Variants in OTUD4 observed in about 807,000 individuals in gnomAD.
The protein encoded by OTUD4 is OTU domain-containing protein 4.
OTUD4 carries 24 observed loss-of-function variants against 130.4 expected under a neutral mutation model. The ratio of observed to expected loss-of-function variants is 0.18; its 90% CI spans 0.13 to 0.26. The LOEUF (loss-of-function observed/expected upper bound fraction) is 0.26, where lower values mean the gene tolerates loss of function less well. OTUD4 is among the 10% of genes least tolerant of loss of function. The pLI, the probability that OTUD4 is intolerant of heterozygous loss-of-function variation, is 1.00. For synonymous variants in OTUD4, 420 were observed against 472.5 expected (o/e 0.89, Z 1.44); for missense variants, 1,031 against 1,329.4 (o/e 0.78, Z 3.49).
intron 17 of OTUD4, among the ~76,000 whole-genome samples, chr4:145,143,098 C>A (rs908411145): frequency 1.3e-5 from 2 of 152,018 alleles, no homozygotes; most frequent in South Asian, 4.1e-4. Flanking sequence ...ATAACGATAA[C>A]AAATATAAAT....
At chr4:145,159,132 G>GA in intron 7 of OTUD4, 1 of 1,039,942 alleles carries the variant, frequency 9.6e-7, no homozygotes, top group Non-Finnish European at 1.2e-6. Flanking sequence ...AACAATAAAA[G>GA]AAAGTGAAGG....
At chr4:145,151,621 C>T (rs1751073279) in intron 11 of OTUD4, among the ~76,000 whole-genome samples, 1 of 151,972 alleles carries the variant, frequency 6.6e-6, no homozygotes, top group South Asian at 2.1e-4. Flanking sequence ...GGTGACAGGG[C>T]AAGACTCCAT....
chr4:145,168,354 T>C (rs548440374), intron 3 of OTUD4, among the ~76,000 whole-genome samples: 11 of 143,794 alleles, frequency 7.6e-5, no homozygotes, highest in African/African-American at 2.8e-4. Flanking sequence ...CACTCCAGCC[T>C]GGGCAACAGA....
intron 5 of OTUD4, 59 bp from the exon 6 acceptor site, chr4:145,162,780 C>T: frequency 1.3e-6 from 1 of 784,412 alleles, no homozygotes; most frequent in South Asian, 1.7e-5. Flanking sequence ...ATTTACATAG[C>T]AATGTATGTC....
At chr4:145,169,071 T>C (rs1441917292) in intron 3 of OTUD4, among the ~76,000 whole-genome samples, 2 of 152,246 alleles carry the variant, frequency 1.3e-5, no homozygotes, top group Non-Finnish European at 2.9e-5. Flanking sequence ...ATTCCACTTA[T>C]ATGCATCTAG....
intron 15 of OTUD4, 107 bp from the exon 16 acceptor site, chr4:145,144,108 T>C (rs564851944): frequency 2.4e-5 from 26 of 1,096,482 alleles, no homozygotes; most frequent in Admixed American, 4.2e-5. Flanking sequence ...ATTTGAACCA[T>C]GTTTAGTCAG....
chr4:145,134,585 A>G lies in OTUD4; in HGVS notation c.*2845T>C, dbSNP rs147997992. 14 of 397,554 alleles carry G rather than the reference A, an allele frequency of 3.5e-5. No individual in the cohort carries two copies. The highest frequency in any genetic ancestry group is 5.3e-5 in the Non-Finnish European group (12 of 225,642). 24.6% of individuals were successfully genotyped at this position (397,554 alleles called of 1,614,324 possible). ...GAATACAGTCTGCATTAAATAAGAT[A>G]TATCAGCATTGTGGTCTGGGAAAAC... On this transcript the variant is annotated 3_prime_UTR_variant, in exon 21 of 21. Transcript: ENST00000447906.
At chr4:145,143,627 C>T (rs1750687709) in intron 16 of OTUD4, among the ~76,000 whole-genome samples, 182 bp from the exon 17 acceptor site, 1 of 152,146 alleles carries the variant, frequency 6.6e-6, no homozygotes, top group African/African-American at 2.4e-5. Context: ...ATCTTTATTA[C>T]ATCAAACTAC....
chr4:145,146,235 T>C (rs1378228725), intron 14 of OTUD4, 32 bp downstream of exon 14: 32 of 1,411,632 alleles, frequency 2.3e-5, no homozygotes, highest in Non-Finnish European at 3.0e-5. Flanking sequence ...AACTTCTGTA[T>C]AATGACTTTT....
chr4:145,165,141 C>A lies in OTUD4; in HGVS notation c.341+10G>T. The A allele has an allele frequency of 6.6e-7, 1 of 1,510,156 alleles. No individual in the cohort carries two copies. Among genetic ancestry groups the A allele is most frequent in the Non-Finnish European group, 9.1e-7 (1 of 1,097,882 alleles). 93.5% of individuals were successfully genotyped at this position (1,510,156 alleles called of 1,614,324 possible). ...TCATTTTCTTTTACTTATGTTATTA[C>A]AGTGTTTACCTGTACATAAGAGAAA... On this transcript the variant is annotated intron_variant, in intron 4 of 20. Coordinates refer to ENST00000447906, the MANE Select transcript of OTUD4 (RefSeq NM_001366057.1).
intron 13 of OTUD4, among the ~76,000 whole-genome samples, chr4:145,150,099 TATCAG>T (rs1347783350): frequency 2.6e-5 from 4 of 152,204 alleles, no homozygotes; most frequent in Admixed American, 6.5e-5. Flanking sequence ...AATCAAAACT[TATCAG>T]ATCAAAGTAA....
chr4:145,179,797 C>CAAAA lies in OTUD4; in HGVS notation c.159+17_159+18insTTTT. The CAAAA allele has an allele frequency of 6.7e-7, 1 of 1,496,714 alleles. No individual in the cohort carries two copies. The allele number at this position is 1,496,714 out of a possible 1,614,324, so 92.7% of individuals were successfully genotyped here. The stretch of plus-strand genomic sequence containing the variant: ...TCCCCGCCTCCCCTCGAAGCCCTCC[C>CAAAA]CGCCCCCCCGCAATTACCTGCTCCG... On this transcript the variant is annotated intron_variant, in intron 1 of 20. Coordinates refer to ENST00000447906, the MANE Select transcript of OTUD4 (RefSeq NM_001366057.1).
At chr4:145,175,711 A>G (rs1752386834) in intron 1 of OTUD4, among the ~76,000 whole-genome samples, 1 of 149,596 alleles carries the variant, frequency 6.7e-6, no homozygotes, top group African/African-American at 2.5e-5. Flanking sequence ...CGCTTGGCTA[A>G]TTTTTGTATT....
At chr4:145,141,267 C>T (rs1750549976) in intron 19 of OTUD4, 112 bp downstream of exon 19, 6 of 735,902 alleles carry the variant, frequency 8.2e-6, no homozygotes, top group Non-Finnish European at 1.2e-5. Flanking sequence ...TCCTTCCCAT[C>T]CTTGAGCTTA....
chr4:145,180,082 T>A lies in OTUD4; in HGVS notation c.-109A>T. 2.2e-6 allele frequency: 2 copies of A among 910,404 alleles called. No individual in the cohort carries two copies. Among genetic ancestry groups the A allele is most frequent in the Non-Finnish European group, 2.7e-6 (2 of 730,940 alleles). 56.4% of individuals were successfully genotyped at this position (910,404 alleles called of 1,614,324 possible). A position where few individuals can be genotyped will look rare whatever the true frequency, so the allele number is the denominator to read the frequency against. ...GGCAGGCGGCGGCTCGGGCTGGGGC[T>A]CGGGCTCCGCGAGCGGCGGCAGGCG... On this transcript the variant is annotated 5_prime_UTR_variant, in exon 1 of 21. Transcript: ENST00000447906.
chr4:145,159,652 A>ACAGAT lies in OTUD4; in HGVS notation c.497-22_497-18dup, dbSNP rs779045155. 18 of 1,610,236 alleles carry ACAGAT rather than the reference A, an allele frequency of 1.1e-5. No individual in the cohort carries two copies. The African/African-American group carries it at 2.1e-4, about 19-fold the overall frequency. ...AAAGGAGAGCTGCAATTAATGACAG[A>ACAGAT]CAGATTTTCCAACATTAACTACAGG... is the stretch of plus-strand genomic sequence containing the variant. On this transcript the variant is annotated splice_polypyrimidine_tract_variant and intron_variant, in intron 6 of 20. Coordinates refer to ENST00000447906, the MANE Select transcript of OTUD4 (RefSeq NM_001366057.1).
chr4:145,146,667 AG>A (rs1750842929), intron 13 of OTUD4, among the ~76,000 whole-genome samples: 1 of 152,174 alleles, frequency 6.6e-6, no homozygotes, highest in Non-Finnish European at 1.5e-5. Context: ...CCTACCTTAC[AG>A]AGAGTCAAGA....
chr4:145,139,735 G>A (rs1444742908), intron 20 of OTUD4, among the ~76,000 whole-genome samples: 1 of 152,020 alleles, frequency 6.6e-6, no homozygotes, highest in Non-Finnish European at 1.5e-5. Flanking sequence ...ATACTCACAG[G>A]TTAAGCCATC....
chr4:145,171,725 A>G lies in OTUD4; in HGVS notation c.244-5T>C. The G allele has an allele frequency of 1.6e-6, 2 of 1,255,600 alleles. No individual in the cohort carries two copies. Among genetic ancestry groups the G allele is most frequent in the Non-Finnish European group, 2.3e-6 (2 of 856,134 alleles). The allele number at this position is 1,255,600 out of a possible 1,614,324, so 77.8% of individuals were successfully genotyped here. A position where few individuals can be genotyped will look rare whatever the true frequency, so the allele number is the denominator to read the frequency against. Reference sequence around the variant, plus strand: ...TTCAAATGATCCTTCTATAAACTGCAAAAAATAAATCTATTAGAAATGTCA... The same window carrying G: ...TTCAAATGATCCTTCTATAAACTGCGAAAAATAAATCTATTAGAAATGTCA... On this transcript the variant is annotated splice_region_variant and splice_polypyrimidine_tract_variant and intron_variant, in intron 2 of 20. Coordinates refer to ENST00000447906, the MANE Select transcript of OTUD4 (RefSeq NM_001366057.1).
Sources: allele counts gnomAD v4.1 joint callset (sites outside exome capture counted in the v4.1 genomes callset), GRCh38; gene constraint gnomAD v4.1.1; transcripts MANE v1.5; gene names NCBI Gene and HGNC (gene_info 2026-07-23, HGNC 2026-07-21).